ITGA9: variants seen among roughly 807,000 people sequenced by gnomAD.
ITGA9 encodes integrin subunit alpha 9, also known as integrin alpha-9.
A neutral mutation model predicts 127.8 loss-of-function variants in ITGA9; 56 were observed. The ratio of observed to expected loss-of-function variants is 0.44; its 90% CI spans 0.35 to 0.55. ITGA9 has a LOEUF of 0.55. ITGA9 is among the 20% of genes least tolerant of loss of function. The pLI is 0.00. For synonymous variants in ITGA9, 508 were observed against 514.5 expected (o/e 0.99, Z 0.17); for missense variants, 1,196 against 1,347.1 (o/e 0.89, Z 1.76).
intron 18 of ITGA9, among the ~76,000 whole-genome samples, chr3:37,700,101 A>G (rs550254077): frequency 5.6e-4 from 84 of 149,626 alleles, no homozygotes; most frequent in African/African-American, 1.9e-3. Flanking sequence ...CTCCTCCTCA[A>G]CCTCCCAAGT....
At chr3:37,607,590 A>C in intron 15 of ITGA9, among the ~76,000 whole-genome samples, 1 of 152,236 alleles carries the variant, frequency 6.6e-6, no homozygotes, top group Middle Eastern at 3.2e-3. Context: ...AGCATTCAGC[A>C]TAAGAGGGAG....
chr3:37,483,223 A>G (rs958356434), intron 4 of ITGA9, among the ~76,000 whole-genome samples: 5 of 152,090 alleles, frequency 3.3e-5, no homozygotes, highest in Non-Finnish European at 5.9e-5. Flanking sequence ...TGATTCCTCT[A>G]TATATACCAC....
intron 22 of ITGA9, chr3:37,748,477 G>C: frequency 1.8e-6 from 1 of 564,094 alleles, no homozygotes; most frequent in South Asian, 1.6e-5. Flanking sequence ...TGGCGGCACA[G>C]TAGCTCACGC....
intron 17 of ITGA9, among the ~76,000 whole-genome samples, chr3:37,657,760 C>G (rs1251995233): frequency 1.3e-5 from 2 of 151,524 alleles, no homozygotes; most frequent in East Asian, 3.9e-4. Context: ...GCTCTTACTT[C>G]TCTAGTTCTT....
At chr3:37,708,206 G>A (rs1330138929) in intron 18 of ITGA9, among the ~76,000 whole-genome samples, 2 of 152,204 alleles carry the variant, frequency 1.3e-5, no homozygotes, top group African/African-American at 4.8e-5. Context: ...GGAACAAGGG[G>A]AGTGATTTAG....
At chr3:37,512,474 AGTGCTGGGAGTACAGGC>A (rs1306591390) in intron 8 of ITGA9, among the ~76,000 whole-genome samples, 1 of 151,504 alleles carries the variant, frequency 6.6e-6, no homozygotes, top group African/African-American at 2.4e-5. Context: ...CGCCTCCCAA[AGTGCTGGGAGTACAGGC>A]GTGAGTCACC....
intron 26 of ITGA9, among the ~76,000 whole-genome samples, chr3:37,795,841 G>A (rs968139042): frequency 5.9e-5 from 9 of 152,236 alleles, no homozygotes; most frequent in East Asian, 1.9e-4. Flanking sequence ...CATTTCCCCC[G>A]CAGCCCTCTC....
chr3:37,804,082 A>G (rs980157199), intron 27 of ITGA9, 140 bp downstream of exon 27: 2 of 1,308,780 alleles, frequency 1.5e-6, no homozygotes, highest in South Asian at 1.2e-5. Flanking sequence ...CCCTTCAGGC[A>G]GGGAGTGGAA....
chr3:37,545,210 C>T (rs905609002), intron 15 of ITGA9, among the ~76,000 whole-genome samples: 12 of 152,250 alleles, frequency 7.9e-5, no homozygotes, highest in African/African-American at 2.9e-4. Context: ...AGCTGGCTCT[C>T]GGCTTTATGG....
At chr3:37,768,568 G>A (rs568636520) in intron 23 of ITGA9, among the ~76,000 whole-genome samples, 24 of 152,302 alleles carry the variant, frequency 1.6e-4, no homozygotes, top group African/African-American at 5.5e-4. Context: ...AGAAGCAGGC[G>A]ATAAGTCAGG....
At chr3:37,457,814 G>A (rs534514138) in intron 1 of ITGA9, among the ~76,000 whole-genome samples, 1 of 152,162 alleles carries the variant, frequency 6.6e-6, no homozygotes, top group South Asian at 2.1e-4. Flanking sequence ...AATGCTGGCT[G>A]GGGGCAGAGA....
rs1004732947 is a variant in ITGA9, at chr3:37,634,517, A to C, written c.1839+5181A>C. Among the ~76,000 whole-genome samples, 3 of 152,322 alleles carry C rather than the reference A, an allele frequency of 2.0e-5. No individual in the cohort carries two copies. In the East Asian group the frequency reaches 5.8e-4, roughly 29 times the overall value. On this transcript the variant is annotated intron_variant, in intron 16 of 27. Coordinates refer to ENST00000264741, the MANE Select transcript of ITGA9 (RefSeq NM_002207.3). ...TAAAAACAGACGAAGATCATTATAC[A>C]ATGATAAAGGGATCAGTTCAGCAAG...
intron 16 of ITGA9, among the ~76,000 whole-genome samples, chr3:37,644,976 C>T (rs1371738571): frequency 1.3e-5 from 2 of 152,154 alleles, no homozygotes; most frequent in Non-Finnish European, 2.9e-5. Context: ...TTCCTGCACT[C>T]TTATAACGTG....
chr3:37,604,439 G>A (rs79331860), intron 15 of ITGA9, among the ~76,000 whole-genome samples: 2,353 of 152,344 alleles, frequency 0.015, 55 homozygotes, highest in African/African-American at 0.053. Flanking sequence ...GGTCTTAAAA[G>A]CAGTTCATGG....
At chr3:37,789,520 G>A (rs1697079678) in intron 26 of ITGA9, among the ~76,000 whole-genome samples, 1 of 151,706 alleles carries the variant, frequency 6.6e-6, no homozygotes, top group Admixed American at 6.6e-5. Flanking sequence ...AGCACTTTGG[G>A]AGGCCAAGGC....
At chr3:37,457,637 C>G (rs1698275219) in intron 1 of ITGA9, among the ~76,000 whole-genome samples, 1 of 152,158 alleles carries the variant, frequency 6.6e-6, no homozygotes, top group African/African-American at 2.4e-5. Flanking sequence ...GTTCCTGGTC[C>G]TCACTCACCC....
At chr3:37,599,342 C>G (rs182731072) in intron 15 of ITGA9, among the ~76,000 whole-genome samples, 62 of 152,252 alleles carry the variant, frequency 4.1e-4, no homozygotes, top group Non-Finnish European at 8.2e-4. Context: ...CTGGCTCAGT[C>G]AGATGTTTTA....
chr3:37,622,311 G>A (rs569467323), intron 15 of ITGA9, among the ~76,000 whole-genome samples: 7 of 151,776 alleles, frequency 4.6e-5, no homozygotes, highest in Middle Eastern at 3.4e-3. Context: ...GGATGGTCTC[G>A]ATCTTCTGAC....
chr3:37,657,015 C>A (rs565697063), intron 17 of ITGA9, among the ~76,000 whole-genome samples: 1 of 151,980 alleles, frequency 6.6e-6, no homozygotes, highest in Non-Finnish European at 1.5e-5. Context: ...ATATGTTGAA[C>A]CAGCCTTGCA....
Sources: gnomAD v4.1 joint callset for allele counts (sites outside exome capture counted in the v4.1 genomes callset) on GRCh38, gnomAD v4.1.1 for gene constraint, MANE v1.5 for transcripts, NCBI Gene and HGNC (gene_info 2026-07-23, HGNC 2026-07-21) for gene names.